PPRC1: variants seen among roughly 807,000 people sequenced by gnomAD.
PPRC1 encodes PPARG related coactivator 1, also known as peroxisome proliferator-activated receptor gamma coactivator-related protein 1.
A neutral mutation model predicts 132.5 loss-of-function variants in PPRC1; 23 were observed. The ratio of observed to expected loss-of-function variants is 0.17; its 90% CI spans 0.12 to 0.25. The LOEUF (loss-of-function observed/expected upper bound fraction) is 0.25. Ranked by LOEUF, PPRC1 falls within the 10% of genes least tolerant of loss-of-function variation. The pLI is 1.00. For missense variants in PPRC1, 2,006 were observed against 2,089.1 expected (o/e 0.96, Z 0.78); for synonymous variants, 872 against 833.5 (o/e 1.05, Z -0.80).
At position 102,139,152 on chromosome 10, in the gene PPRC1, T is replaced by C; in HGVS notation, c.644T>C (p.Leu215Ser). ...TGGGACTTCTCCCCACCCTCTTTCT[T>C]AGAGACCTCTTCCCCCAAGCTTCCT... ...PSWDFSPPSF[L>S]ETSSPKLPSW... The change falls in exon 5 of 14, where the codon TTA becomes TCA. Residue 215 changes from leucine (L) to serine (S), a missense_variant. Physicochemically the swap from Leu to Ser is moderately radical, Grantham distance 145. Around this residue, in one of 2 missense-constraint regions of PPRC1, gnomAD observed 1,914 missense variants for 1,917.2 expected, o/e 1.00. Coordinates refer to ENST00000278070, the MANE Select transcript of PPRC1 (RefSeq NM_015062.5). 2.5e-6 allele frequency: 4 copies of C among 1,612,830 alleles called. No homozygotes were observed. The highest frequency in any genetic ancestry group is 3.4e-6 in the Non-Finnish European group (4 of 1,179,100).
At chr10:102,124,759 C>T in the PPRC1 span, among the ~76,000 whole-genome samples, 1 of 151,724 alleles carries the variant, frequency 6.6e-6, no homozygotes, top group African/African-American at 2.4e-5. Flanking sequence ...TCTCCTGCCT[C>T]AGCCTCCCAA....
rs1276203553 is a variant in PPRC1, at chr10:102,141,462, G to A, written c.2954G>A (p.Gly985Asp). 1 of 1,613,782 alleles carries A rather than the reference G, an allele frequency of 6.2e-7. No individual in the cohort carries two copies. Among genetic ancestry groups the A allele is most frequent in the East Asian group, 2.2e-5 (1 of 44,862 alleles). The change falls in exon 5 of 14, where the codon GGC (glycine) becomes GAC (aspartate). Residue 985 changes from glycine to aspartate, a missense_variant. By Grantham distance (94) the Gly-to-Asp change is moderately conservative. This residue lies in a region of PPRC1 where 1,914 missense variants were observed against 1,917.2 expected (regional missense o/e 1.00). Coordinates refer to ENST00000278070, the MANE Select transcript of PPRC1 (RefSeq NM_015062.5). ...STCTYGPLGW[G>D]PGPQHAPFWS... ...TGTACCTATGGGCCCTTGGGATGGG[G>A]CCCAGGGCCTCAACATGCTCCATTC...
intron 3 of PPRC1, 53 bp downstream of exon 3, chr10:102,138,818 G>A: frequency 6.2e-7 from 1 of 1,612,688 alleles, no homozygotes; most frequent in Non-Finnish European, 8.5e-7. Flanking sequence ...ACCCATGCCT[G>A]TGGACCTACT....
Position 102,139,380 on chromosome 10 carries a change from A to G in PPRC1, c.872A>G (p.Glu291Gly). Residue 291 changes from glutamate to glycine, a missense_variant, in exon 5 of 14, where the codon GAG (glutamate) becomes GGG (glycine). Transcript: ENST00000278070. ...GAGGAAGATAAAGCAACAGCAGCAG[A>G]GATGGCAGTGCCAGCAGCTGGTGAT... ...PEEEDKATAAEMAVPAAGDES... is the reference protein window; with the variant it reads ...PEEEDKATAAGMAVPAAGDES... The G allele has an allele frequency of 6.2e-7, 1 of 1,614,228 alleles. No individual in the cohort carries two copies. The highest frequency in any genetic ancestry group is 8.5e-7 in the Non-Finnish European group (1 of 1,180,034).
At chr10:102,144,463 C>G in intron 7 of PPRC1, 156 bp downstream of exon 7, 1 of 697,002 alleles carries the variant, frequency 1.4e-6, no homozygotes, top group Non-Finnish European at 2.4e-6. Flanking sequence ...CCTATCACTA[C>G]CGGGCAGTGT....
chr10:102,136,580 CTTTTA>C lies in PPRC1; in HGVS notation c.154-1267_154-1263del, dbSNP rs145885731. ...AGCCAGAGAGCCCACATTCGCATAACTTTTATTATAGTATATTGTTTTAATCTATT... is the reference window on the plus strand; with the variant it reads ...AGCCAGAGAGCCCACATTCGCATAACTTATAGTATATTGTTTTAATCTATT... On this transcript the variant is annotated intron_variant, in intron 1 of 13. Coordinates refer to ENST00000278070, the MANE Select transcript of PPRC1 (RefSeq NM_015062.5). Among the ~76,000 whole-genome samples, 1,466 of 152,220 alleles carry C rather than the reference CTTTTA, an allele frequency of 9.6e-3. 14 individuals are homozygous for C. The highest frequency in any genetic ancestry group is 0.034 in the African/African-American group (1,403 of 41,506).
the PPRC1 span, among the ~76,000 whole-genome samples, chr10:102,121,537 A>T: frequency 6.6e-6 from 1 of 152,090 alleles, no homozygotes; most frequent in East Asian, 1.9e-4. Context: ...CTAGGAGGGG[A>T]GGGGCTCCAT....
Position 102,141,572 on chromosome 10 carries a change from C to G in PPRC1, c.3064C>G (p.Pro1022Ala), listed in dbSNP as rs747350377. Residue 1022 changes from proline (P) to alanine (A), a missense_variant, in exon 5 of 14, where the codon CCA (proline) becomes GCA (alanine). Physicochemically the swap from Pro to Ala is conservative, Grantham distance 27. This residue lies in a region of PPRC1 where 1,914 missense variants were observed against 1,917.2 expected (regional missense o/e 1.00). Coordinates refer to ENST00000278070, the MANE Select transcript of PPRC1 (RefSeq NM_015062.5). ...PQPKMESRGTPAGPPENVLPL... is the reference protein window; with the variant it reads ...PQPKMESRGTAAGPPENVLPL... ...ACCTAAAATGGAGTCTAGGGGCACT[C>G]CAGCTGGCCCTCCTGAAAATGTACT... is the stretch of plus-strand genomic sequence containing the variant. The G allele has an allele frequency of 3.1e-6, 5 of 1,614,132 alleles. No individual in the cohort carries two copies. The Admixed American group carries it at 6.7e-5, about 22-fold the overall frequency.
At chr10:102,128,228 C>G (rs1331934415), upstream of PPRC1, among the ~76,000 whole-genome samples, 1 of 152,154 alleles carries the variant, frequency 6.6e-6, no homozygotes, top group South Asian at 2.1e-4. Context: ...CAACCTCCGA[C>G]TCCCTGGTTC....
chr10:102,127,694 C>G, the PPRC1 span, among the ~76,000 whole-genome samples: 1 of 152,060 alleles, frequency 6.6e-6, no homozygotes, highest in African/African-American at 2.4e-5. Flanking sequence ...GCGAGAGTCA[C>G]CACGCCCGGC....
At chr10:102,130,834 T>C (rs1306012203), upstream of PPRC1, among the ~76,000 whole-genome samples, 1 of 151,638 alleles carries the variant, frequency 6.6e-6, no homozygotes, top group Non-Finnish European at 1.5e-5. Context: ...AGGAGGATCT[T>C]CTGAGGCTAA....
At chr10:102,126,458 C>CT in the PPRC1 span, among the ~76,000 whole-genome samples, 263 of 140,134 alleles carry the variant, frequency 1.9e-3, no homozygotes, top group Admixed American at 1.9e-3. Context: ...TGAACTATAA[C>CT]TTTTTTTTTT....
At chr10:102,144,042 A>G (rs1273656042) in intron 6 of PPRC1, among the ~76,000 whole-genome samples, 1 of 152,190 alleles carries the variant, frequency 6.6e-6, no homozygotes, top group African/African-American at 2.4e-5. Flanking sequence ...CAGTGGAGGA[A>G]TGTGGGTGTT....
chr10:102,148,365 C>T lies in PPRC1; in HGVS notation c.4401-7C>T, dbSNP rs371231801. ...CCAGCATTCCTGCATGCCCTCTTAT[C>T]CTTCAGGTCCAGCTGTAGTTCCTCT... On this transcript the variant is annotated splice_polypyrimidine_tract_variant and splice_region_variant and intron_variant, in intron 9 of 13. Transcript: ENST00000278070. The surrounding 1 kb of genome is among the most constrained non-coding windows in gnomAD (Gnocchi z 4.2). 20 of 1,612,504 alleles carry T rather than the reference C, an allele frequency of 1.2e-5. No homozygotes were observed. The highest frequency in any genetic ancestry group is 1.7e-5 in the Non-Finnish European group (20 of 1,179,728).
chr10:102,123,429 G>A, the PPRC1 span, among the ~76,000 whole-genome samples: 1 of 152,158 alleles, frequency 6.6e-6, no homozygotes. Flanking sequence ...ACAATGTCCT[G>A]GAGGACTGGA....
chr10:102,140,274 C>G lies in PPRC1; in HGVS notation c.1766C>G (p.Ser589Cys). 1 of 1,614,258 alleles carries G rather than the reference C, an allele frequency of 6.2e-7. No individual in the cohort carries two copies. Residue 589 changes from serine (S) to cysteine (C), a missense_variant, in exon 5 of 14, where the codon TCT (serine) becomes TGT (cysteine). Physicochemically the swap from Ser to Cys is moderately radical, Grantham distance 112. Coordinates refer to ENST00000278070, the MANE Select transcript of PPRC1 (RefSeq NM_015062.5). ...SAQASPMPVD[S>C]VEADPTAVGP... ...CAAGCCAGCCCCATGCCAGTTGACTCTGTTGAAGCTGATCCCACTGCAGTT... is the reference window on the plus strand; with the variant it reads ...CAAGCCAGCCCCATGCCAGTTGACTGTGTTGAAGCTGATCCCACTGCAGTT...
At chr10:102,130,490 C>CT (rs2068524096), upstream of PPRC1, among the ~76,000 whole-genome samples, 1 of 146,394 alleles carries the variant, frequency 6.8e-6, no homozygotes, top group Non-Finnish European at 1.5e-5. Flanking sequence ...AATCCCAGAA[C>CT]TTTGGGAGGC....
At chr10:102,144,486 G>C (rs907066458) in intron 7 of PPRC1, 179 bp downstream of exon 7, 1 of 628,784 alleles carries the variant, frequency 1.6e-6, no homozygotes, top group African/African-American at 1.8e-5. Context: ...TGGGTGGTGA[G>C]GTGAGAACGG....
the PPRC1 span, among the ~76,000 whole-genome samples, chr10:102,122,102 C>G: frequency 6.6e-6 from 1 of 152,036 alleles, no homozygotes; most frequent in Non-Finnish European, 1.5e-5. Context: ...ATCTCCACCC[C>G]CACCAGGAGC....
Sources: allele counts gnomAD v4.1 joint callset (sites outside exome capture counted in the v4.1 genomes callset), GRCh38; gene constraint gnomAD v4.1.1; regional missense constraint gnomAD v4.1.1; non-coding constraint Gnocchi (gnomAD v3.1); transcripts MANE v1.5; gene names NCBI Gene and HGNC (gene_info 2026-07-23, HGNC 2026-07-21).